The following SCARA5 variants were observed in gnomAD, a reference collection of about 807,000 sequenced individuals.
The protein encoded by SCARA5 is scavenger receptor class A member 5, also known as scavenger receptor class A, member 5 (putative).
A neutral mutation model predicts 46.3 loss-of-function variants in SCARA5; 45 were observed. The ratio of observed to expected loss-of-function variants is 0.97; its 90% CI spans 0.76 to 1.24. The LOEUF (loss-of-function observed/expected upper bound fraction) is 1.24. SCARA5 is among the 50% of genes most tolerant of loss of function. The pLI is 0.00. For synonymous variants in SCARA5, 333 were observed against 306.5 expected (o/e 1.09, Z -0.90); for missense variants, 680 against 689.0 (o/e 0.99, Z 0.15).
chr8:27,975,039 A>G (rs1808502786), intron 2 of SCARA5, among the ~76,000 whole-genome samples: 1 of 152,162 alleles, frequency 6.6e-6, no homozygotes, highest in African/African-American at 2.4e-5. Context: ...GAGGCTGGCC[A>G]CTGGAATGAC....
chr8:27,914,961 C>T (rs1563523561), intron 4 of SCARA5, among the ~76,000 whole-genome samples: 1 of 152,186 alleles, frequency 6.6e-6, no homozygotes, highest in Non-Finnish European at 1.5e-5. Context: ...GGTAGGGGAC[C>T]TGTGTGGGCT....
intron 1 of SCARA5, among the ~76,000 whole-genome samples, chr8:27,990,147 G>A (rs1808767465): frequency 6.6e-6 from 1 of 152,196 alleles, no homozygotes; most frequent in South Asian, 2.1e-4. Context: ...TGTGTGAAGG[G>A]CAGCTGTCTC....
At chr8:27,876,643 A>T (rs1400512283) in intron 8 of SCARA5, among the ~76,000 whole-genome samples, 1 of 152,158 alleles carries the variant, frequency 6.6e-6, no homozygotes, top group Non-Finnish European at 1.5e-5. Flanking sequence ...ACCTGTCAGG[A>T]AGGTCACCGG....
At chr8:27,893,824 G>T (rs1807021882) in intron 7 of SCARA5, among the ~76,000 whole-genome samples, 1 of 152,232 alleles carries the variant, frequency 6.6e-6, no homozygotes, top group Non-Finnish European at 1.5e-5. Flanking sequence ...ATGAGGAACA[G>T]CCTTTTCCTT....
intron 3 of SCARA5, among the ~76,000 whole-genome samples, chr8:27,937,170 T>C (rs1025134824): frequency 2.0e-5 from 3 of 152,160 alleles, no homozygotes; most frequent in African/African-American, 7.2e-5. Flanking sequence ...AGTAGTGAAA[T>C]ACTGTAGTAG....
At chr8:27,958,502 G>T (rs571419559) in intron 3 of SCARA5, among the ~76,000 whole-genome samples, 2 of 152,240 alleles carry the variant, frequency 1.3e-5, no homozygotes, top group South Asian at 4.1e-4. Context: ...GGTGAAATGC[G>T]TGCACGGGCT....
chr8:27,902,321 C>T lies in SCARA5; in HGVS notation c.1153+2457G>A, dbSNP rs770516915. Among the ~76,000 whole-genome samples, 12 of 152,222 alleles carry T rather than the reference C, an allele frequency of 7.9e-5. No individual in the cohort carries two copies. The East Asian group carries it at 1.5e-3, about 20-fold the overall frequency. ...AAGTGGAGGGGGTGGCCTCCCCCCA[C>T]GCCTCCCCACCCATCCCCAGGGAGC... On this transcript the variant is annotated intron_variant, in intron 7 of 8. Coordinates refer to ENST00000354914, the MANE Select transcript of SCARA5 (RefSeq NM_173833.6).
intron 4 of SCARA5, among the ~76,000 whole-genome samples, chr8:27,921,291 C>T (rs1174931626): frequency 6.6e-6 from 1 of 152,246 alleles, no homozygotes; most frequent in Non-Finnish European, 1.5e-5. Flanking sequence ...CTGGAGCAAA[C>T]TCTCACATCT....
intron 2 of SCARA5, among the ~76,000 whole-genome samples, chr8:27,977,922 C>T (rs1808551121): frequency 6.6e-6 from 1 of 152,072 alleles, no homozygotes; most frequent in Non-Finnish European, 1.5e-5. Context: ...ATAAATACCT[C>T]AACAAACTTT....
At chr8:27,899,010 A>G (rs1807109228) in intron 7 of SCARA5, among the ~76,000 whole-genome samples, 1 of 152,130 alleles carries the variant, frequency 6.6e-6, no homozygotes, top group Non-Finnish European at 1.5e-5. Context: ...TCTGTTCCCG[A>G]GTTGTGTCCT....
chr8:27,924,423 A>G (rs1455133399), intron 3 of SCARA5, among the ~76,000 whole-genome samples: 1 of 152,254 alleles, frequency 6.6e-6, no homozygotes, highest in African/African-American at 2.4e-5. Context: ...TTCTGGAAGC[A>G]CACGGCATTT....
intron 4 of SCARA5, among the ~76,000 whole-genome samples, chr8:27,912,070 A>C (rs1807386431): frequency 6.6e-6 from 1 of 152,140 alleles, no homozygotes; most frequent in Non-Finnish European, 1.5e-5. Flanking sequence ...GGCCCTGTGG[A>C]TACCTTGATT....
intron 7 of SCARA5, among the ~76,000 whole-genome samples, chr8:27,898,700 C>T (rs1021628188): frequency 2.0e-5 from 3 of 152,124 alleles, no homozygotes; most frequent in Non-Finnish European, 4.4e-5. Context: ...TGGGTGGGAT[C>T]GAAGGATGAG....
chr8:27,921,020 A>C (rs924833077), intron 4 of SCARA5, among the ~76,000 whole-genome samples: 2 of 152,122 alleles, frequency 1.3e-5, no homozygotes, highest in Admixed American at 6.5e-5. Flanking sequence ...CAAACAAACA[A>C]ACAAAAAACA....
At chr8:27,941,793 A>ACAT (rs772791600) in intron 3 of SCARA5, among the ~76,000 whole-genome samples, 95 of 122,066 alleles carry the variant, frequency 7.8e-4, no homozygotes, top group South Asian at 1.4e-3. Flanking sequence ...ATCCCCATTT[A>ACAT]CATCATCATT....
intron 2 of SCARA5, among the ~76,000 whole-genome samples, chr8:27,986,170 A>G (rs1585529925): frequency 6.6e-6 from 1 of 152,162 alleles, no homozygotes; most frequent in Non-Finnish European, 1.5e-5. Context: ...TCTGCATGGG[A>G]CCAGAACCCC....
chr8:27,951,253 C>T (rs4395853), intron 3 of SCARA5, among the ~76,000 whole-genome samples: 106,543 of 152,058 alleles, frequency 0.7, 37,746 homozygotes, highest in Middle Eastern at 0.86. Flanking sequence ...CACAGAAAAC[C>T]GGTATCAATG....
At chr8:27,954,325 C>G (rs1167143125) in intron 3 of SCARA5, among the ~76,000 whole-genome samples, 1 of 152,126 alleles carries the variant, frequency 6.6e-6, no homozygotes. Context: ...TATGAACAAC[C>G]CCAACAACAT....
intron 2 of SCARA5, among the ~76,000 whole-genome samples, chr8:27,974,427 T>C (rs1161330535): frequency 2.0e-5 from 3 of 152,116 alleles, no homozygotes; most frequent in Non-Finnish European, 2.9e-5. Context: ...TGAGTGTTTA[T>C]TTCCAAAGAA....
Sources: allele counts gnomAD v4.1 joint callset (sites outside exome capture counted in the v4.1 genomes callset), GRCh38; gene constraint gnomAD v4.1.1; transcripts MANE v1.5; gene names NCBI Gene and HGNC (gene_info 2026-07-23, HGNC 2026-07-21).